The following NRXN3 variants were observed in gnomAD, a reference collection of about 807,000 sequenced individuals.
The protein encoded by NRXN3 is neurexin 3.
In NRXN3, 32 loss-of-function variants were observed where a neutral mutation model predicts 137.6. The observed-to-expected ratio is 0.23, with a 90% CI of 0.18 to 0.31. The LOEUF is 0.31. NRXN3 is among the 10% of genes least tolerant of loss of function. NRXN3 has a pLI of 1.00. For synonymous variants in NRXN3, 798 were observed against 784.5 expected (o/e 1.02, Z -0.29); for missense variants, 1,574 against 2,062.5 (o/e 0.76, Z 4.59).
At chr14:79,445,837 C>A (rs1176308568) in intron 15 of NRXN3, among the ~76,000 whole-genome samples, 1 of 152,020 alleles carries the variant, frequency 6.6e-6, no homozygotes. Context: ...GCCTTTGGGG[C>A]TGTTGTAAAG....
intron 15 of NRXN3, among the ~76,000 whole-genome samples, chr14:79,448,296 C>T (rs1451981889): frequency 1.3e-5 from 2 of 152,210 alleles, no homozygotes; most frequent in Non-Finnish European, 2.9e-5. Context: ...GAGGGGCCTG[C>T]CCTTCCCAAC....
chr14:78,797,999 T>C (rs2098827354), intron 8 of NRXN3, among the ~76,000 whole-genome samples: 1 of 152,162 alleles, frequency 6.6e-6, no homozygotes, highest in Non-Finnish European at 1.5e-5. Context: ...CAACTCAAGA[T>C]GAGATTTGGG....
intron 15 of NRXN3, among the ~76,000 whole-genome samples, chr14:79,324,773 A>G (rs1203229725): frequency 2.0e-5 from 3 of 152,242 alleles, no homozygotes; most frequent in African/African-American, 4.8e-5. Context: ...TTCATCTAAT[A>G]GCTTTATTCA....
Position 78,635,489 on chromosome 14 carries a change from T to G in NRXN3, c.758-9631T>G, listed in dbSNP as rs553968862. Among the ~76,000 whole-genome samples, 290 of 152,308 alleles carry G rather than the reference T, an allele frequency of 1.9e-3. 1 individual carries two copies. Among genetic ancestry groups the G allele is most frequent in the Non-Finnish European group, 2.6e-3 (180 of 68,010 alleles). ...AAAAAACATTTCAGATGCTCTACTT[T>G]GGGCTCTAGATTCATTGTGGATATT... is the stretch of plus-strand genomic sequence containing the variant. On this transcript the variant is annotated intron_variant, in intron 4 of 20. Coordinates refer to ENST00000335750, the MANE Select transcript of NRXN3 (RefSeq NM_001330195.2).
At chr14:79,789,591 T>A (rs2099139193) in intron 19 of NRXN3, among the ~76,000 whole-genome samples, 1 of 152,162 alleles carries the variant, frequency 6.6e-6, no homozygotes, top group Non-Finnish European at 1.5e-5. Context: ...ATGCCTCCCC[T>A]TTTTAGACCT....
At chr14:78,533,769 C>T (rs532710627) in intron 4 of NRXN3, among the ~76,000 whole-genome samples, 6 of 152,330 alleles carry the variant, frequency 3.9e-5, no homozygotes, top group East Asian at 1.9e-4. Flanking sequence ...TTTCTCCATC[C>T]GTTACCAAGG....
At chr14:78,527,514 G>A (rs995840553) in intron 4 of NRXN3, among the ~76,000 whole-genome samples, 1 of 152,070 alleles carries the variant, frequency 6.6e-6, no homozygotes, top group Non-Finnish European at 1.5e-5. Context: ...CCAGCACTGG[G>A]GATTACAATT....
chr14:78,710,775 T>A (rs1323952549), intron 7 of NRXN3, among the ~76,000 whole-genome samples: 5 of 152,170 alleles, frequency 3.3e-5, no homozygotes, highest in African/African-American at 1.2e-4. Flanking sequence ...GAGATAGCAA[T>A]ATTGCCCTTA....
At chr14:79,143,114 T>G (rs565064821) in intron 15 of NRXN3, among the ~76,000 whole-genome samples, 1 of 152,354 alleles carries the variant, frequency 6.6e-6, no homozygotes, top group Non-Finnish European at 1.5e-5. Flanking sequence ...TTTATCTTAC[T>G]TAACTGTAAG....
intron 15 of NRXN3, among the ~76,000 whole-genome samples, chr14:79,284,131 T>A (rs905117230): frequency 7.3e-5 from 11 of 151,508 alleles, no homozygotes; most frequent in Admixed American, 4.6e-4. Context: ...CAAGCTTTAA[T>A]TACATAAGCA....
chr14:78,623,577 T>C (rs1171681269), intron 4 of NRXN3, among the ~76,000 whole-genome samples: 1 of 152,224 alleles, frequency 6.6e-6, no homozygotes, highest in East Asian at 1.9e-4. Context: ...ATTTTATTTT[T>C]ATTTTTTGAG....
intron 19 of NRXN3, among the ~76,000 whole-genome samples, chr14:79,736,300 A>C (rs1215992874): frequency 3.3e-5 from 5 of 152,326 alleles, no homozygotes. Flanking sequence ...TTTCCAGACC[A>C]ACCTAGATGA....
intron 8 of NRXN3, among the ~76,000 whole-genome samples, chr14:78,784,060 A>G (rs918638565): frequency 8.0e-6 from 1 of 125,180 alleles, no homozygotes; most frequent in Non-Finnish European, 1.5e-5. Flanking sequence ...CAGATAACAC[A>G]TGAGAAAAAA....
At chr14:79,418,718 C>G (rs12436125) in intron 15 of NRXN3, among the ~76,000 whole-genome samples, 2 of 152,038 alleles carry the variant, frequency 1.3e-5, no homozygotes, top group African/African-American at 4.8e-5. Flanking sequence ...AAAGGACCCT[C>G]GTGGCAGTAG....
At chr14:78,225,200 G>C (rs991929128) in intron 1 of NRXN3, among the ~76,000 whole-genome samples, 2 of 152,174 alleles carry the variant, frequency 1.3e-5, no homozygotes, top group Admixed American at 6.5e-5. Flanking sequence ...GGTTGAACTA[G>C]TTTACAGTCC....
chr14:79,794,869 GGAAGTGGA>G (rs2099156419), intron 19 of NRXN3, among the ~76,000 whole-genome samples: 1 of 152,216 alleles, frequency 6.6e-6, no homozygotes, highest in African/African-American at 2.4e-5. Context: ...AGCAAGGAAT[GGAAGTGGA>G]CACACACATT....
At chr14:79,557,713 G>A (rs1423105501) in intron 16 of NRXN3, among the ~76,000 whole-genome samples, 1 of 152,090 alleles carries the variant, frequency 6.6e-6, no homozygotes, top group Non-Finnish European at 1.5e-5. Flanking sequence ...CTGATGGAGG[G>A]TCTTGTCTTG....
intron 4 of NRXN3, among the ~76,000 whole-genome samples, chr14:78,421,099 C>G (rs1243718363): frequency 6.6e-6 from 1 of 152,030 alleles, no homozygotes; most frequent in Non-Finnish European, 1.5e-5. Flanking sequence ...CCTGTCTCTA[C>G]TAAAAATACA....
intron 16 of NRXN3, among the ~76,000 whole-genome samples, chr14:79,472,303 C>G (rs1033316894): frequency 6.6e-6 from 1 of 152,146 alleles, no homozygotes; most frequent in Non-Finnish European, 1.5e-5. Flanking sequence ...AGTCTTCCCA[C>G]TCATCTGGGC....
Sources: gnomAD v4.1 joint callset for allele counts (sites outside exome capture counted in the v4.1 genomes callset) on GRCh38, gnomAD v4.1.1 for gene constraint, MANE v1.5 for transcripts, NCBI Gene and HGNC (gene_info 2026-07-23, HGNC 2026-07-21) for gene names.